The following CDH13 variants were observed in gnomAD, a reference collection of about 807,000 sequenced individuals.
The protein encoded by CDH13 is cadherin 13, also known as cadherin-13.
A neutral mutation model predicts 63.8 loss-of-function variants in CDH13; 24 were observed. The observed-to-expected ratio is 0.38, with a 90% CI of 0.27 to 0.53. The LOEUF (loss-of-function observed/expected upper bound fraction) is 0.53, where lower values mean the gene tolerates loss of function less well. Among genes scored for constraint, CDH13 ranks in the 20% least tolerant of loss-of-function variants. The pLI, the probability that CDH13 is intolerant of heterozygous loss-of-function variation, is 0.85. For missense variants in CDH13, 1,049 were observed against 903.1 expected, an observed-to-expected ratio of 1.16 and a Z score of -2.07; for synonymous variants, 503 against 355.3, an observed-to-expected ratio of 1.42 and a Z score of -4.67.
At chr16:82,792,297 G>A (rs577391244) in intron 1 of CDH13, among the ~76,000 whole-genome samples, 4 of 152,096 alleles carry the variant, frequency 2.6e-5, no homozygotes, top group African/African-American at 2.4e-5. Flanking sequence ...CAATCATTTA[G>A]CACCCTTTCT....
At chr16:83,472,627 C>T (rs185811627) in intron 6 of CDH13, among the ~76,000 whole-genome samples, 2 of 152,152 alleles carry the variant, frequency 1.3e-5, no homozygotes, top group Admixed American at 6.5e-5. Flanking sequence ...CCTTTGGTCT[C>T]TCTTCTGCCA....
At chr16:83,179,228 C>T (rs531469591) in intron 4 of CDH13, among the ~76,000 whole-genome samples, 21 of 152,096 alleles carry the variant, frequency 1.4e-4, no homozygotes, top group Non-Finnish European at 2.1e-4. Context: ...ATGAAATCCA[C>T]ATTTCCCAGA....
intron 2 of CDH13, among the ~76,000 whole-genome samples, chr16:83,029,447 C>T (rs1916107012): frequency 6.6e-6 from 1 of 152,150 alleles, no homozygotes; most frequent in African/African-American, 2.4e-5. Context: ...AGACTCAATA[C>T]AGCCACATAA....
intron 7 of CDH13, among the ~76,000 whole-genome samples, chr16:83,577,499 T>A (rs1359687415): frequency 6.6e-6 from 1 of 152,204 alleles, no homozygotes; most frequent in African/African-American, 2.4e-5. Flanking sequence ...GGGTCTGCAT[T>A]CTTTATTTAA....
chr16:83,463,240 T>G (rs1236600837), intron 6 of CDH13, among the ~76,000 whole-genome samples: 1 of 152,162 alleles, frequency 6.6e-6, no homozygotes, highest in Admixed American at 6.5e-5. Flanking sequence ...AGCCAGCTGG[T>G]GAAAGTTCAA....
At chr16:82,864,457 A>G (rs1175083045) in intron 2 of CDH13, among the ~76,000 whole-genome samples, 3 of 152,178 alleles carry the variant, frequency 2.0e-5, no homozygotes, top group Admixed American at 2.0e-4. Context: ...TCATGGCAGA[A>G]GGTGAAGAGG....
At chr16:83,377,288 T>C (rs1050132842) in intron 6 of CDH13, among the ~76,000 whole-genome samples, 3 of 152,184 alleles carry the variant, frequency 2.0e-5, no homozygotes, top group Non-Finnish European at 2.9e-5. Context: ...CTGAAGTTTT[T>C]AACAAATATA....
chr16:83,082,418 A>G (rs1346726305), intron 3 of CDH13, among the ~76,000 whole-genome samples: 1 of 152,012 alleles, frequency 6.6e-6, no homozygotes, highest in Non-Finnish European at 1.5e-5. Context: ...TGAGGTCAGG[A>G]GTTTGAGACC....
chr16:83,150,474 T>C (rs2036930569), intron 4 of CDH13, among the ~76,000 whole-genome samples: 2 of 152,184 alleles, frequency 1.3e-5, no homozygotes, highest in South Asian at 4.1e-4. Flanking sequence ...ACCCTTCACT[T>C]CTCTATTGAC....
intron 8 of CDH13, among the ~76,000 whole-genome samples, chr16:83,668,429 C>G (rs1049228955): frequency 6.6e-6 from 1 of 152,218 alleles, no homozygotes; most frequent in Non-Finnish European, 1.5e-5. Flanking sequence ...CACTTATGCA[C>G]TGGACATGAC....
intron 11 of CDH13, among the ~76,000 whole-genome samples, chr16:83,756,770 A>G (rs1052868454): frequency 6.6e-6 from 1 of 152,248 alleles, no homozygotes; most frequent in Non-Finnish European, 1.5e-5. Flanking sequence ...TATGTACTGG[A>G]CAGCACAGAT....
intron 2 of CDH13, among the ~76,000 whole-genome samples, chr16:82,952,317 G>T (rs1017648814): frequency 5.3e-5 from 8 of 152,138 alleles, no homozygotes; most frequent in African/African-American, 1.9e-4. Context: ...AGCAATCATT[G>T]CACCTCTGAT....
chr16:83,200,465 A>G (rs1314354568), intron 4 of CDH13, among the ~76,000 whole-genome samples: 1 of 152,136 alleles, frequency 6.6e-6, no homozygotes, highest in East Asian at 1.9e-4. Flanking sequence ...CTTACACAGA[A>G]CAGATCTCCT....
intron 5 of CDH13, among the ~76,000 whole-genome samples, chr16:83,312,972 G>A (rs9940179): frequency 0.47 from 71,326 of 152,022 alleles, 17,168 homozygotes; most frequent in African/African-American, 0.58. Flanking sequence ...TTTTCCCAGT[G>A]CTTGCAGGGA....
chr16:83,650,096 T>C (rs925711482), intron 8 of CDH13, among the ~76,000 whole-genome samples: 1 of 152,242 alleles, frequency 6.6e-6, no homozygotes, highest in East Asian at 1.9e-4. Context: ...TCTGCTCCTT[T>C]GTAGGTTGAT....
chr16:82,944,005 CAGAT>C (rs1435486131), intron 2 of CDH13, among the ~76,000 whole-genome samples: 3 of 152,178 alleles, frequency 2.0e-5, no homozygotes, highest in Non-Finnish European at 2.9e-5. Flanking sequence ...TGAATGCACT[CAGAT>C]AGCCCTTTAT....
chr16:82,812,849 T>A (rs1390878287), intron 1 of CDH13, among the ~76,000 whole-genome samples: 2 of 151,784 alleles, frequency 1.3e-5, no homozygotes, highest in Admixed American at 6.6e-5. Flanking sequence ...CTCCCTTCTT[T>A]CCTCCCTTCT....
chr16:83,671,137 A>G (rs1379414196), intron 9 of CDH13, among the ~76,000 whole-genome samples, 165 bp downstream of exon 9: 2 of 152,218 alleles, frequency 1.3e-5, no homozygotes, highest in African/African-American at 4.8e-5. Context: ...GTGCACTCGT[A>G]TCCTCAGCAG....
intron 5 of CDH13, among the ~76,000 whole-genome samples, chr16:83,227,593 T>C (rs1191852210): frequency 1.3e-5 from 2 of 152,156 alleles, no homozygotes; most frequent in Non-Finnish European, 2.9e-5. Flanking sequence ...GCTTCCTGTT[T>C]AATTGAAGCA....
Sources: allele counts gnomAD v4.1 joint callset (sites outside exome capture counted in the v4.1 genomes callset), GRCh38; gene constraint gnomAD v4.1.1; transcripts MANE v1.5; gene names NCBI Gene and HGNC (gene_info 2026-07-23, HGNC 2026-07-21).